RIF1: variants seen among roughly 807,000 people sequenced by gnomAD.
RIF1 encodes replication timing regulatory factor 1.
Under a neutral mutation model 247.1 loss-of-function variants are expected in RIF1, and 45 were observed. That is an observed-to-expected ratio of 0.18 (90% CI 0.14 to 0.23). The LOEUF (loss-of-function observed/expected upper bound fraction) is 0.23, where lower values mean the gene tolerates loss of function less well. Ranked by LOEUF, RIF1 falls within the 10% of genes least tolerant of loss-of-function variation. The pLI, the probability that RIF1 is intolerant of heterozygous loss-of-function variation, is 1.00. For synonymous variants in RIF1, 1,087 were observed against 978.8 expected (o/e 1.11, Z -2.06); for missense variants, 2,967 against 2,862.5 (o/e 1.04, Z -0.83).
chr2:151,458,863 G>A lies in RIF1; in HGVS notation c.2908G>A (p.Glu970Lys). Reference protein sequence around the residue: ...QKFLLLLPGLETVEMMEESSG... With the variant: ...QKFLLLLPGLKTVEMMEESSG... ...ATTTCTGCTCCTGTTGCCTGGTTTGGAAACTGTTGAAATGATGGAGGAATC... is the reference window on the plus strand; with the variant it reads ...ATTTCTGCTCCTGTTGCCTGGTTTGAAAACTGTTGAAATGATGGAGGAATC... The change falls in exon 25 of 36, where the codon GAA (glutamate) becomes AAA (lysine). Residue 970 changes from glutamate (E) to lysine (K), a missense_variant. Transcript: ENST00000444746. 1 of 1,613,222 alleles carries A rather than the reference G, an allele frequency of 6.2e-7. No homozygotes were observed. Among genetic ancestry groups the A allele is most frequent in the Non-Finnish European group, 8.5e-7 (1 of 1,179,450 alleles).
chr2:151,449,022 G>A (rs938108386), intron 20 of RIF1, among the ~76,000 whole-genome samples: 1 of 152,118 alleles, frequency 6.6e-6, no homozygotes, highest in South Asian at 2.1e-4. Flanking sequence ...AAGAATTTAC[G>A]TCTTTCTAAT....
Position 151,440,078 on chromosome 2 carries a change from C to G in RIF1, c.1598C>G (p.Ser533Cys). 6.3e-7 allele frequency: 1 copy of G among 1,586,986 alleles called. No homozygotes were observed. Among genetic ancestry groups the G allele is most frequent in the Non-Finnish European group, 8.6e-7 (1 of 1,165,264 alleles). The change falls in exon 15 of 36, where the codon TCT becomes TGT. Residue 533 changes from serine (S) to cysteine (C), a missense_variant. By Grantham distance (112) the Ser-to-Cys change is moderately radical. Coordinates refer to ENST00000444746, the MANE Select transcript of RIF1 (RefSeq NM_018151.5). ...GSEVLTLLLK[S>C]LESIVKSEVF... ...GAAGTTTTGACTCTCTTATTAAAGT[C>G]TTTGGAAAGCATAGTAAAGTCTGAA... is the stretch of plus-strand genomic sequence containing the variant.
At chr2:151,513,819 T>C in the RIF1 span, 2 of 687,704 alleles carry the variant, frequency 2.9e-6, no homozygotes, top group East Asian at 5.4e-5. Flanking sequence ...CGCTTGCTAC[T>C]CTTCACCTTC....
At chr2:151,498,446 G>A in intron 10 of RIF1, 1 of 795,670 alleles carries the variant, frequency 1.3e-6, no homozygotes, top group East Asian at 2.7e-5. Flanking sequence ...GGGAGGAAGA[G>A]AGTAAGTTAG....
chr2:151,410,646 C>T (rs1164159187), intron 2 of RIF1, 119 bp downstream of exon 2: 29 of 813,128 alleles, frequency 3.6e-5, no homozygotes, highest in Non-Finnish European at 8.0e-6. Flanking sequence ...AATGTGAGGA[C>T]GCCCGAGTCG....
chr2:151,462,240 A>C lies in RIF1; in HGVS notation c.3228-2A>C. The C allele has an allele frequency of 6.4e-7, 1 of 1,556,164 alleles. No individual in the cohort carries two copies. Among genetic ancestry groups the C allele is most frequent in the Non-Finnish European group, 8.8e-7 (1 of 1,141,546 alleles). ...AAGTTACTTATATATAGTTTTTTTC[A>C]GGTGTGATATTCCTGCCATGTATAA... On this transcript the variant is annotated splice_acceptor_variant, in intron 27 of 35. Coordinates refer to ENST00000444746, the MANE Select transcript of RIF1 (RefSeq NM_018151.5). LOFTEE classifies it high-confidence loss of function.
intron 2 of RIF1, 94 bp from the exon 3 acceptor site, chr2:151,411,166 A>T: frequency 1.3e-6 from 1 of 778,824 alleles, no homozygotes; most frequent in East Asian, 2.5e-5. Context: ...CAGGAGTTAG[A>T]AAGTAATTTT....
chr2:151,435,374 T>C, intron 10 of RIF1, 89 bp from the exon 11 acceptor site: 1 of 777,844 alleles, frequency 1.3e-6, no homozygotes. Context: ...ATATTAAGGC[T>C]CCATTTAATG....
intron 9 of RIF1, chr2:151,491,638 C>T: frequency 7.0e-7 from 1 of 1,425,980 alleles, no homozygotes; most frequent in Non-Finnish European, 9.7e-7. Context: ...CTCTAGCATA[C>T]TAAATGGTGA....
intron 9 of RIF1, among the ~76,000 whole-genome samples, chr2:151,430,791 C>CT (rs1689980954): frequency 6.7e-6 from 1 of 150,014 alleles, no homozygotes; most frequent in Non-Finnish European, 1.5e-5. Context: ...GTAGCTGGGA[C>CT]TACAGGCGTG....
chr2:151,469,902 A>C (rs767136362), intron 34 of RIF1, 38 bp downstream of exon 34: 3 of 1,467,570 alleles, frequency 2.0e-6, no homozygotes, highest in African/African-American at 1.4e-5. Flanking sequence ...TATATTAATA[A>C]ATGATGTAGC....
intron 30 of RIF1, among the ~76,000 whole-genome samples, chr2:151,466,754 C>T (rs996838376): frequency 3.3e-5 from 5 of 152,192 alleles, no homozygotes; most frequent in African/African-American, 7.2e-5. Flanking sequence ...AATGTATTTA[C>T]GTAACTCAAC....
At chr2:151,420,009 C>T (rs895278470) in intron 6 of RIF1, among the ~76,000 whole-genome samples, 181 bp from the exon 7 acceptor site, 1 of 152,094 alleles carries the variant, frequency 6.6e-6, no homozygotes, top group African/African-American at 2.4e-5. Context: ...AAAAAATTTA[C>T]AAAAGCAATA....
chr2:151,454,533 C>G (rs958377151), intron 21 of RIF1, among the ~76,000 whole-genome samples: 1 of 152,124 alleles, frequency 6.6e-6, no homozygotes, highest in Admixed American at 6.5e-5. Flanking sequence ...AAATTTGGAA[C>G]CTATCTTATG....
At chr2:151,518,320 T>C in the RIF1 span, 1 of 1,594,466 alleles carries the variant, frequency 6.3e-7, no homozygotes, top group Non-Finnish European at 8.6e-7. Flanking sequence ...CCACTTACTA[T>C]ACTCTGTAAT....
intron 21 of RIF1, among the ~76,000 whole-genome samples, chr2:151,452,681 A>C (rs1262736412): frequency 6.6e-6 from 1 of 152,232 alleles, no homozygotes; most frequent in Non-Finnish European, 1.5e-5. Flanking sequence ...TAATATGATT[A>C]CCTCAGTGTG....
Position 151,480,147 on chromosome 2 carries a change from G to A in RIF1, c.*5076G>A, listed in dbSNP as rs535957246. ...AAAACCAAATGTGTTATGGTAAGCTGTAAATACCGTTGGAATAAAAGATAA... is the reference window on the plus strand; with the variant it reads ...AAAACCAAATGTGTTATGGTAAGCTATAAATACCGTTGGAATAAAAGATAA... On this transcript the variant is annotated 3_prime_UTR_variant, in exon 36 of 36. Transcript: ENST00000444746. 3 of 152,238 alleles carry A rather than the reference G, an allele frequency of 2.0e-5. No individual in the cohort carries two copies. In the East Asian group the frequency reaches 5.8e-4, roughly 29 times the overall value. The allele number at this position is 152,238 out of a possible 1,614,324, so 9.4% of individuals were successfully genotyped here.
the RIF1 span, among the ~76,000 whole-genome samples, chr2:151,519,305 G>A: frequency 6.6e-6 from 1 of 152,210 alleles, no homozygotes; most frequent in Non-Finnish European, 1.5e-5. Context: ...TAAAAGGAAT[G>A]AAGTTCTGAT....
intron 2 of RIF1, 141 bp downstream of exon 2, chr2:151,410,668 G>C (rs879082099): frequency 4.4e-5 from 30 of 688,242 alleles, no homozygotes; most frequent in South Asian, 1.4e-4. Context: ...GGACGCCTTG[G>C]GGGGCGGGGG....
Sources: allele counts gnomAD v4.1 joint callset (sites outside exome capture counted in the v4.1 genomes callset), GRCh38; gene constraint gnomAD v4.1.1; transcripts MANE v1.5; gene names NCBI Gene and HGNC (gene_info 2026-07-23, HGNC 2026-07-21).